Variants in CNBD1 observed in about 807,000 individuals in gnomAD.
The protein encoded by CNBD1 is cyclic nucleotide-binding domain-containing protein 1.
In CNBD1, 71 loss-of-function variants were observed where a neutral mutation model predicts 54.4. The ratio of observed to expected loss-of-function variants is 1.30; its 90% CI spans 1.08 to 1.59. The LOEUF is 1.59. Among genes scored for constraint, CNBD1 ranks in the 40% most tolerant of loss-of-function variants. The probability of loss-of-function intolerance (pLI) is 0.00; values close to 1 mark genes in which losing one functional copy is unlikely to be tolerated. For missense variants in CNBD1, 659 were observed against 518.0 expected, an observed-to-expected ratio of 1.27 and a Z score of -2.64; for synonymous variants, 182 against 170.7, an observed-to-expected ratio of 1.07 and a Z score of -0.51.
chr8:87,133,787 A>G (rs1812170540), intron 4 of CNBD1, among the ~76,000 whole-genome samples: 1 of 152,140 alleles, frequency 6.6e-6, no homozygotes, highest in Non-Finnish European at 1.5e-5. Context: ...GGCAATCAAA[A>G]CTCATTGGAC....
intron 8 of CNBD1, among the ~76,000 whole-genome samples, chr8:87,348,492 A>G (rs1810218486): frequency 6.6e-6 from 1 of 152,186 alleles, no homozygotes; most frequent in South Asian, 2.1e-4. Flanking sequence ...CAAAGATAAC[A>G]TTAATTGGTA....
intron 5 of CNBD1, among the ~76,000 whole-genome samples, chr8:87,213,201 C>T (rs62527353): frequency 0.069 from 10,471 of 151,936 alleles, 427 homozygotes; most frequent in African/African-American, 0.1. Flanking sequence ...AAGTATTAAG[C>T]GTTGGTATGG....
intron 8 of CNBD1, among the ~76,000 whole-genome samples, chr8:87,304,167 C>T (rs1274741664): frequency 6.6e-6 from 1 of 151,816 alleles, no homozygotes; most frequent in Non-Finnish European, 1.5e-5. Flanking sequence ...AATCATGCTG[C>T]TATAAAGACA....
intron 4 of CNBD1, among the ~76,000 whole-genome samples, chr8:86,958,942 G>T (rs1807853892): frequency 6.6e-6 from 1 of 152,130 alleles, no homozygotes; most frequent in African/African-American, 2.4e-5. Context: ...TGTTCCTAGT[G>T]TCAATGGTCT....
chr8:87,382,879 T>C (rs1188956704), downstream of CNBD1: 2 of 367,718 alleles, frequency 5.4e-6, no homozygotes, highest in Non-Finnish European at 9.8e-6. Context: ...ATACGAAGGT[T>C]TTCTTTCAAG....
chr8:87,242,611 A>G (rs2130831345), intron 6 of CNBD1, among the ~76,000 whole-genome samples: 1 of 152,286 alleles, frequency 6.6e-6, no homozygotes, highest in Admixed American at 6.5e-5. Flanking sequence ...CTTTCCAGAT[A>G]GAACCAATGC....
At chr8:87,302,910 C>T (rs919653220) in intron 8 of CNBD1, among the ~76,000 whole-genome samples, 1 of 151,766 alleles carries the variant, frequency 6.6e-6, no homozygotes, top group Non-Finnish European at 1.5e-5. Flanking sequence ...AATAAAATAC[C>T]TAGGAATCCA....
At chr8:87,142,557 A>G (rs1812391681) in intron 4 of CNBD1, among the ~76,000 whole-genome samples, 2 of 152,272 alleles carry the variant, frequency 1.3e-5, no homozygotes, top group African/African-American at 4.8e-5. Flanking sequence ...ATGTTTAGAA[A>G]TAAAACATAA....
chr8:87,316,829 A>G (rs762013220), intron 8 of CNBD1, among the ~76,000 whole-genome samples: 3 of 151,888 alleles, frequency 2.0e-5, no homozygotes, highest in Non-Finnish European at 4.4e-5. Context: ...TATCTAGTGT[A>G]TATCTATTTA....
At chr8:87,031,419 T>A (rs952263113) in intron 4 of CNBD1, among the ~76,000 whole-genome samples, 1 of 152,290 alleles carries the variant, frequency 6.6e-6, no homozygotes, top group Non-Finnish European at 1.5e-5. Flanking sequence ...TCAGCCTGTT[T>A]ATCATGCCTC....
rs556864548 is a variant in CNBD1, at chr8:87,284,763, A to G, written c.857A>G (p.Asp286Gly). The G allele has an allele frequency of 2.5e-6, 4 of 1,592,582 alleles. No individual in the cohort carries two copies. The highest frequency in any genetic ancestry group is 4.5e-5 in the East Asian group (2 of 44,234). Reference protein sequence around the residue: ...ETQMFSVVTEDDCEILKIPAK... With the variant: ...ETQMFSVVTEGDCEILKIPAK... ...CAGATGTTCTCGGTGGTGACAGAAGACGATTGTGAAATTCTTAAAATCCCA... is the reference window on the plus strand; with the variant it reads ...CAGATGTTCTCGGTGGTGACAGAAGGCGATTGTGAAATTCTTAAAATCCCA... Residue 286 changes from aspartate (D) to glycine (G), a missense_variant, in exon 7 of 11, where the codon GAC becomes GGC. By Grantham distance (94) the Asp-to-Gly change is moderately conservative. Transcript: ENST00000518476.
intron 2 of CNBD1, among the ~76,000 whole-genome samples, chr8:87,417,988 C>T (rs1464500241): frequency 1.3e-5 from 2 of 151,988 alleles, no homozygotes; most frequent in Middle Eastern, 3.4e-3. Context: ...CTTAATTGAT[C>T]TACAGATTTG....
chr8:87,222,115 A>T (rs1805805352), intron 5 of CNBD1, among the ~76,000 whole-genome samples: 1 of 152,132 alleles, frequency 6.6e-6, no homozygotes, highest in Non-Finnish European at 1.5e-5. Flanking sequence ...TAAAATTTAT[A>T]TAACTTTCTT....
At chr8:87,217,177 T>C (rs1046174769) in intron 5 of CNBD1, among the ~76,000 whole-genome samples, 3 of 152,118 alleles carry the variant, frequency 2.0e-5, no homozygotes, top group African/African-American at 7.2e-5. Context: ...AAATAATAAA[T>C]ATGTGTTTAT....
rs5893013 is a variant in CNBD1, at chr8:87,152,439, T to TAA, written c.432-53538_432-53537dup. On this transcript the variant is annotated intron_variant, in intron 4 of 10. Transcript: ENST00000518476. ...TTAACAATAATGATAGCTGATGAGC[T>TAA]AAAAAAAAAAAAAAAAATCTCAAAA... Among the ~76,000 whole-genome samples, 708 of 138,212 alleles carry TAA rather than the reference T, an allele frequency of 5.1e-3. 3 individuals are homozygous for TAA. The highest frequency in any genetic ancestry group is 0.027 in the South Asian group (115 of 4,248). The allele number at this position is 138,212 out of a possible 152,430, so 90.7% of individuals were successfully genotyped here.
At chr8:87,392,452 A>G (rs1186305643) in intron 2 of CNBD1, among the ~76,000 whole-genome samples, 1 of 152,064 alleles carries the variant, frequency 6.6e-6, no homozygotes, top group Non-Finnish European at 1.5e-5. Context: ...TGTCATAAGC[A>G]TATTCTGGAA....
chr8:87,387,327 C>T (rs981748418), downstream of CNBD1, among the ~76,000 whole-genome samples: 1 of 151,880 alleles, frequency 6.6e-6, no homozygotes, highest in Non-Finnish European at 1.5e-5. Flanking sequence ...GATAAAGAGC[C>T]AAGACCCATC....
intron 5 of CNBD1, among the ~76,000 whole-genome samples, chr8:87,208,853 C>A (rs1163146067): frequency 1.3e-5 from 2 of 151,950 alleles, no homozygotes; most frequent in Non-Finnish European, 2.9e-5. Context: ...CTCCGTAATT[C>A]CTCATTTTCA....
intron 4 of CNBD1, among the ~76,000 whole-genome samples, chr8:87,153,386 C>T (rs1036517471): frequency 2.6e-4 from 39 of 152,076 alleles, no homozygotes; most frequent in Non-Finnish European, 5.1e-4. Context: ...TTCTATGCTC[C>T]AGTTAACCTG....
Sources: gnomAD v4.1 joint callset for allele counts (sites outside exome capture counted in the v4.1 genomes callset) on GRCh38, gnomAD v4.1.1 for gene constraint, MANE v1.5 for transcripts, NCBI Gene and HGNC (gene_info 2026-07-23, HGNC 2026-07-21) for gene names.